Variants in SKI observed in about 807,000 individuals in gnomAD.
SKI encodes the protein SKI proto-oncogene.
Under a neutral mutation model 59.3 loss-of-function variants are expected in SKI, and 23 were observed. The ratio of observed to expected loss-of-function variants is 0.39; its 90% CI spans 0.28 to 0.55. SKI has a LOEUF of 0.55. Among genes scored for constraint, SKI ranks in the 20% least tolerant of loss-of-function variants. SKI has a pLI of 0.67. For synonymous variants in SKI, 673 were observed against 488.6 expected (o/e 1.38, Z -4.98); for missense variants, 1,017 against 1,038.9 (o/e 0.98, Z 0.29).
chr1:2,271,236 C>T (rs1375717850), intron 1 of SKI, among the ~76,000 whole-genome samples: 1 of 152,150 alleles, frequency 6.6e-6, no homozygotes. Flanking sequence ...CCACATCCTC[C>T]CTGATGGCTC....
chr1:2,256,876 G>A (rs904895159), intron 1 of SKI, among the ~76,000 whole-genome samples: 1 of 152,192 alleles, frequency 6.6e-6, no homozygotes, highest in Non-Finnish European at 1.5e-5. Context: ...GCGCCTATTG[G>A]GCCCTTGTCA....
chr1:2,275,450 G>A (rs575774367), intron 1 of SKI, among the ~76,000 whole-genome samples: 3 of 152,302 alleles, frequency 2.0e-5, no homozygotes, highest in South Asian at 2.1e-4. Flanking sequence ...TTTGCCCTTC[G>A]TCTGAGACCC....
chr1:2,230,045 A>T (rs1433265949), intron 1 of SKI, among the ~76,000 whole-genome samples: 2 of 152,214 alleles, frequency 1.3e-5, no homozygotes, highest in Non-Finnish European at 2.9e-5. Flanking sequence ...AGGAAGGCAC[A>T]GGCCTCATGC....
intron 1 of SKI, among the ~76,000 whole-genome samples, chr1:2,294,548 G>A (rs564280241): frequency 2.6e-5 from 4 of 152,346 alleles, no homozygotes; most frequent in South Asian, 4.1e-4. Flanking sequence ...TAGCTGTCTC[G>A]GGGAACCGGT....
At chr1:2,293,254 A>G (rs1640203898) in intron 1 of SKI, among the ~76,000 whole-genome samples, 1 of 152,118 alleles carries the variant, frequency 6.6e-6, no homozygotes, top group Non-Finnish European at 1.5e-5. Flanking sequence ...GGGACTCACC[A>G]TGTTAGACCT....
intron 1 of SKI, among the ~76,000 whole-genome samples, chr1:2,282,537 CAGAA>C (rs371490000): frequency 3.2e-4 from 48 of 152,190 alleles, no homozygotes; most frequent in African/African-American, 9.6e-4. Flanking sequence ...CGGAGATCTT[CAGAA>C]AGAAAGCCCA....
At chr1:2,249,204 G>T (rs1639065053) in intron 1 of SKI, among the ~76,000 whole-genome samples, 1 of 152,214 alleles carries the variant, frequency 6.6e-6, no homozygotes, top group African/African-American at 2.4e-5. Context: ...GTCTGACCTG[G>T]GCCTGGGCAT....
intron 1 of SKI, among the ~76,000 whole-genome samples, chr1:2,301,273 T>C (rs906251460): frequency 2.1e-4 from 32 of 152,070 alleles, no homozygotes; most frequent in Admixed American, 2.6e-4. Context: ...TCATCAACAC[T>C]CACTTCCCCT....
intron 1 of SKI, among the ~76,000 whole-genome samples, chr1:2,238,073 C>A (rs1249462823): frequency 6.6e-6 from 1 of 152,226 alleles, no homozygotes; most frequent in Non-Finnish European, 1.5e-5. Flanking sequence ...CCTGGTGTGG[C>A]TGCCCACGGT....
chr1:2,228,742 G>C lies in SKI; in HGVS notation c.-25G>C, dbSNP rs960733779. 14 of 1,091,200 alleles carry C rather than the reference G, an allele frequency of 1.3e-5. No individual in the cohort carries two copies. The highest frequency in any genetic ancestry group is 1.4e-5 in the Non-Finnish European group (13 of 897,294). The allele number at this position is 1,091,200 out of a possible 1,614,324, so 67.6% of individuals were successfully genotyped here. On this transcript the variant is annotated 5_prime_UTR_variant, in exon 1 of 7. Coordinates refer to ENST00000378536, the MANE Select transcript of SKI (RefSeq NM_003036.4). ...GGGGCCCGGGCGCGCGGGAGCGGGA[G>C]CGGCCGGGGGAGCCGGAGCGCACCA...
At position 2,303,387 on chromosome 1, in the gene SKI, C is replaced by G. The variant is rs1206358847; in HGVS notation, c.1198C>G (p.Leu400Val). The change falls in exon 3 of 7, where the codon CTC (leucine) becomes GTC (valine). Residue 400 changes from leucine to valine, a missense_variant. Transcript: ENST00000378536. This position sits in a 1 kb window ranked among gnomAD's most constrained non-coding sequence, Gnocchi z 5.6. ...AGAGCTCTCCCCACACCTCCCGGCCCTCATCCGAGACAGGTGAGTGGGCGC... is the reference window on the plus strand; with the variant it reads ...AGAGCTCTCCCCACACCTCCCGGCCGTCATCCGAGACAGGTGAGTGGGCGC... ...EKELSPHLPA[L>V]IRDSFYSYKS... 6.2e-7 allele frequency: 1 copy of G among 1,613,000 alleles called. No individual in the cohort carries two copies. Among genetic ancestry groups the G allele is most frequent in the Non-Finnish European group, 8.5e-7 (1 of 1,179,798 alleles).
chr1:2,231,594 T>G (rs772854352), intron 1 of SKI, among the ~76,000 whole-genome samples: 14 of 152,236 alleles, frequency 9.2e-5, no homozygotes, highest in Non-Finnish European at 1.8e-4. Flanking sequence ...CCGAGCCGCC[T>G]TTCCCTTTTG....
chr1:2,257,435 G>T (rs1639297249), intron 1 of SKI, among the ~76,000 whole-genome samples: 2 of 152,252 alleles, frequency 1.3e-5, no homozygotes, highest in Non-Finnish European at 2.9e-5. Flanking sequence ...CCCTCCCATG[G>T]TGGCGCTTTG....
In SKI at chr1:2,268,955, C is replaced by T. The variant is rs920442036; in HGVS notation, c.970-34023C>T. ...TCTTTCCTTCTCTCCTTCTCTCCCT[C>T]TTCTTTTTTCGACAGGGTCTGGCTC... On this transcript the variant is annotated intron_variant, in intron 1 of 6. Coordinates refer to ENST00000378536, the MANE Select transcript of SKI (RefSeq NM_003036.4). This position sits in a 1 kb window ranked among gnomAD's most constrained non-coding sequence, Gnocchi z 5.0. 6.6e-5 allele frequency among the ~76,000 whole-genome samples: 10 copies of T among 150,956 alleles called. No individual in the cohort carries two copies. Among genetic ancestry groups the T allele is most frequent in the African/African-American group, 2.4e-4 (10 of 41,022 alleles).
At chr1:2,287,132 G>T (rs1017376800) in intron 1 of SKI, among the ~76,000 whole-genome samples, 1 of 152,094 alleles carries the variant, frequency 6.6e-6, no homozygotes, top group South Asian at 2.1e-4. Context: ...GGGCCCCTGC[G>T]CACCCTCCCG....
chr1:2,302,956 C>T, intron 1 of SKI, 22 bp from the exon 2 acceptor site: 1 of 1,613,372 alleles, frequency 6.2e-7, no homozygotes, highest in Non-Finnish European at 8.5e-7. Context: ...CAGGTGCCAA[C>T]AAAACCTTTC....
chr1:2,235,274 C>T (rs1336758395), intron 1 of SKI, among the ~76,000 whole-genome samples: 2 of 152,286 alleles, frequency 1.3e-5, no homozygotes, highest in East Asian at 3.9e-4. Context: ...GAACTCCTGA[C>T]CTCAAGTTAT....
At chr1:2,293,893 CA>C (rs1640225726) in intron 1 of SKI, among the ~76,000 whole-genome samples, 1 of 152,232 alleles carries the variant, frequency 6.6e-6, no homozygotes, top group African/African-American at 2.4e-5. Flanking sequence ...TTGTCCCTTC[CA>C]GTGCAGGCGG....
chr1:2,282,883 T>C (rs1003624116), intron 1 of SKI, among the ~76,000 whole-genome samples: 2 of 152,208 alleles, frequency 1.3e-5, no homozygotes, highest in African/African-American at 4.8e-5. Flanking sequence ...GTGGGCCCAG[T>C]GACCTCAGTG....
Sources: allele counts gnomAD v4.1 joint callset (sites outside exome capture counted in the v4.1 genomes callset), GRCh38; gene constraint gnomAD v4.1.1; non-coding constraint Gnocchi (gnomAD v3.1); transcripts MANE v1.5; gene names NCBI Gene and HGNC (gene_info 2026-07-23, HGNC 2026-07-21).